The following TRPS1 variants were observed in gnomAD, a reference collection of about 807,000 sequenced individuals.
The protein encoded by TRPS1 is transcriptional repressor GATA binding 1, also known as zinc finger transcription factor Trps1.
A neutral mutation model predicts 101.2 loss-of-function variants in TRPS1; 6 were observed. The ratio of observed to expected loss-of-function variants is 0.06; its 90% CI spans 0.03 to 0.12. The LOEUF is 0.12. Among genes scored for constraint, TRPS1 ranks in the 10% least tolerant of loss-of-function variants. TRPS1 has a pLI of 1.00. For missense variants in TRPS1, 1,363 were observed against 1,567.0 expected (o/e 0.87, Z 2.20); for synonymous variants, 578 against 589.8 (o/e 0.98, Z 0.29).
chr8:115,463,249 C>T (rs1000045036), intron 5 of TRPS1, among the ~76,000 whole-genome samples: 2 of 152,098 alleles, frequency 1.3e-5, no homozygotes, highest in African/African-American at 4.8e-5. Flanking sequence ...TCCGTGACTA[C>T]GATTCCTCTT....
chr8:115,606,083 T>C (rs1400695649), intron 3 of TRPS1, among the ~76,000 whole-genome samples: 2 of 152,198 alleles, frequency 1.3e-5, no homozygotes, highest in Admixed American at 6.6e-5. Context: ...GGCATAATCA[T>C]CTTCTGCCTT....
chr8:115,592,113 C>T (rs533070072), intron 4 of TRPS1, among the ~76,000 whole-genome samples: 3 of 152,278 alleles, frequency 2.0e-5, no homozygotes, highest in African/African-American at 7.2e-5. Context: ...AAACTGACTA[C>T]AGCAATGGTT....
chr8:115,642,850 ATAT>A (rs1266612184), intron 1 of TRPS1, among the ~76,000 whole-genome samples: 1 of 124,428 alleles, frequency 8.0e-6, no homozygotes, highest in African/African-American at 3.3e-5. Flanking sequence ...GTGAAAAAAA[ATAT>A]ATATATATAT....
intron 5 of TRPS1, among the ~76,000 whole-genome samples, chr8:115,423,595 T>A (rs559033765): frequency 5.3e-5 from 8 of 152,310 alleles, no homozygotes; most frequent in Admixed American, 4.6e-4. Context: ...ATAAGTATAA[T>A]GACTAAGTAT....
chr8:115,583,744 G>T (rs749711126), intron 5 of TRPS1, among the ~76,000 whole-genome samples: 1 of 151,950 alleles, frequency 6.6e-6, no homozygotes, highest in Non-Finnish European at 1.5e-5. Flanking sequence ...TCAAAGCACA[G>T]AAGTCAACAC....
chr8:115,604,341 A>T lies in TRPS1; in HGVS notation c.1628T>A (p.Phe543Tyr). Reference sequence around the variant, plus strand: ...AGGGCCATGGCTTTTGGAATATCGGAAGTCACAGAACTGACAATTATAGCT... The same window carrying T: ...AGGGCCATGGCTTTTGGAATATCGGTAGTCACAGAACTGACAATTATAGCT... ...VTSYNCQFCD[F>Y]RYSKSHGPDV... The change falls in exon 4 of 7, where the codon TTC (phenylalanine) becomes TAC (tyrosine). Residue 543 changes from phenylalanine to tyrosine, a missense_variant. Phe to Tyr is a conservative substitution (Grantham distance 22). This residue lies in a region of TRPS1 where 1,020 missense variants were observed against 1,073.0 expected (regional missense o/e 0.95). Transcript: ENST00000395715. The surrounding 1 kb of genome is among the most constrained non-coding windows in gnomAD (Gnocchi z 4.1). 1 of 1,614,064 alleles carries T rather than the reference A, an allele frequency of 6.2e-7. No homozygotes were observed. Among genetic ancestry groups the T allele is most frequent in the Non-Finnish European group, 8.5e-7 (1 of 1,179,978 alleles).
chr8:115,439,284 T>G (rs1013118130), intron 5 of TRPS1, among the ~76,000 whole-genome samples: 1 of 152,208 alleles, frequency 6.6e-6, no homozygotes, highest in African/African-American at 2.4e-5. Flanking sequence ...AGTTAGAGCT[T>G]GTGAAACTGA....
At chr8:115,497,688 C>A (rs1052000561) in intron 5 of TRPS1, among the ~76,000 whole-genome samples, 21 of 152,196 alleles carry the variant, frequency 1.4e-4, no homozygotes, top group African/African-American at 5.1e-4. Context: ...CTGATTCATG[C>A]TGCTCAGTTT....
intron 5 of TRPS1, among the ~76,000 whole-genome samples, chr8:115,469,487 C>T (rs569680452): frequency 6.6e-6 from 1 of 152,122 alleles, no homozygotes; most frequent in African/African-American, 2.4e-5. Flanking sequence ...CAATGGGCTA[C>T]AGTCAGGTTT....
intron 1 of TRPS1, among the ~76,000 whole-genome samples, chr8:115,664,971 A>G (rs1184949966): frequency 1.3e-5 from 2 of 152,186 alleles, no homozygotes; most frequent in Admixed American, 1.3e-4. Flanking sequence ...ATCACTTATT[A>G]CAAAAATAAT....
intron 5 of TRPS1, among the ~76,000 whole-genome samples, chr8:115,545,461 T>C (rs1012664951): frequency 2.0e-5 from 3 of 152,152 alleles, no homozygotes; most frequent in African/African-American, 4.8e-5. Context: ...TATCCCTTCT[T>C]CACTATGCCT....
intron 5 of TRPS1, among the ~76,000 whole-genome samples, chr8:115,529,050 C>T (rs1381578112): frequency 6.6e-6 from 1 of 151,928 alleles, no homozygotes; most frequent in East Asian, 1.9e-4. Flanking sequence ...GGAACCAATG[C>T]TATGAGCTAG....
chr8:115,516,001 A>G (rs530460677), intron 5 of TRPS1, among the ~76,000 whole-genome samples: 3 of 151,604 alleles, frequency 2.0e-5, no homozygotes, highest in Admixed American at 6.6e-5. Context: ...TCCTTTTAAA[A>G]AAATCTATAA....
At chr8:115,434,086 A>T (rs1161685032) in intron 5 of TRPS1, among the ~76,000 whole-genome samples, 2 of 44 alleles carry the variant, frequency 0.045, no homozygotes, top group African/African-American at 0.14. Flanking sequence ...ACGCTGCATG[A>T]TAATTAGCCC....
intron 5 of TRPS1, among the ~76,000 whole-genome samples, chr8:115,576,296 T>TAGATAC (rs1442306544): frequency 7.1e-6 from 1 of 140,902 alleles, no homozygotes; most frequent in Non-Finnish European, 1.5e-5. Context: ...TATATAGATA[T>TAGATAC]AGATATAGAT....
intron 4 of TRPS1, among the ~76,000 whole-genome samples, chr8:115,594,297 ATAT>A (rs1221012539): frequency 6.6e-6 from 1 of 152,108 alleles, no homozygotes; most frequent in Non-Finnish European, 1.5e-5. Context: ...CACTGTCTTC[ATAT>A]TATCTGAGAA....
In TRPS1 at chr8:115,565,258, C is replaced by T. The variant is rs551994729; in HGVS notation, c.2700+21743G>A. Among the ~76,000 whole-genome samples, 24 of 152,162 alleles carry T rather than the reference C, an allele frequency of 1.6e-4. No individual in the cohort carries two copies. In the South Asian group the frequency reaches 4.4e-3, roughly 28 times the overall value. ...TTCTTTTTTAAGTTTAGAAGGCCCT[C>T]GGAAGTGGTTCTACAACCCTGTCTT... On this transcript the variant is annotated intron_variant, in intron 5 of 6. Coordinates refer to ENST00000395715, the MANE Select transcript of TRPS1 (RefSeq NM_014112.5).
At chr8:115,611,580 T>A (rs1227969261) in intron 3 of TRPS1, among the ~76,000 whole-genome samples, 1 of 151,398 alleles carries the variant, frequency 6.6e-6, no homozygotes, top group Non-Finnish European at 1.5e-5. Flanking sequence ...GACTGAGGAG[T>A]CAGCAAAGGC....
chr8:115,536,017 C>T (rs1816310977), intron 5 of TRPS1, among the ~76,000 whole-genome samples: 1 of 151,872 alleles, frequency 6.6e-6, no homozygotes, highest in African/African-American at 2.4e-5. Context: ...TAATTTAAGA[C>T]TGAATTGTAC....
Sources: gnomAD v4.1 joint callset for allele counts (sites outside exome capture counted in the v4.1 genomes callset) on GRCh38, gnomAD v4.1.1 for gene constraint, gnomAD v4.1.1 regional missense constraint, Gnocchi (gnomAD v3.1) non-coding constraint, MANE v1.5 for transcripts, NCBI Gene and HGNC (gene_info 2026-07-23, HGNC 2026-07-21) for gene names.